The following FANCL variants were observed in gnomAD, a reference collection of about 807,000 sequenced individuals.
The protein encoded by FANCL is E3 ubiquitin-protein ligase FANCL.
A neutral mutation model predicts 59.4 loss-of-function variants in FANCL; 69 were observed. That is an observed-to-expected ratio of 1.16 (90% CI 0.96 to 1.42). FANCL has a LOEUF of 1.42. FANCL is among the 40% of genes most tolerant of loss of function. FANCL has a pLI of 0.00. For missense variants in FANCL, 519 were observed against 447.2 expected, an observed-to-expected ratio of 1.16 and a Z score of -1.45; for synonymous variants, 180 against 147.1, an observed-to-expected ratio of 1.22 and a Z score of -1.62.
At chr2:58,235,487 G>A (rs1487049658) in intron 1 of FANCL, among the ~76,000 whole-genome samples, 2 of 152,068 alleles carry the variant, frequency 1.3e-5, no homozygotes, top group Non-Finnish European at 2.9e-5. Flanking sequence ...AAAGCTTAAA[G>A]CTTAAAATTA....
chr2:58,165,394 G>C (rs946340400), intron 8 of FANCL, among the ~76,000 whole-genome samples: 2 of 152,106 alleles, frequency 1.3e-5, no homozygotes, highest in African/African-American at 4.8e-5. Context: ...AATGAAGACT[G>C]CATTATTCTG....
At chr2:58,240,795 C>T (rs1225449931) in intron 1 of FANCL, among the ~76,000 whole-genome samples, 1 of 152,162 alleles carries the variant, frequency 6.6e-6, no homozygotes, top group African/African-American at 2.4e-5. Flanking sequence ...AATGTTCTTT[C>T]TACAGGAAAC....
Position 58,161,532 on chromosome 2 carries a change from C to G in FANCL, c.1010G>C (p.Cys337Ser). 1.3e-6 allele frequency: 2 copies of G among 1,595,090 alleles called. No individual in the cohort carries two copies. Among genetic ancestry groups the G allele is most frequent in the Non-Finnish European group, 8.6e-7 (1 of 1,163,212 alleles). The change falls in exon 12 of 14, where the codon TGC (cysteine) becomes TCC (serine). Residue 337 changes from cysteine (C) to serine (S), a missense_variant. Coordinates refer to ENST00000233741, the MANE Select transcript of FANCL (RefSeq NM_018062.4). ...ATTTTTATTTTTTACCTCATATAAG[C>G]ATATTTGATGGAAAGGTTGTCCACA... ...SQCGQPFHQI[C>S]LYEWLRGLLT...
At chr2:58,194,950 C>G (rs540913021) in intron 7 of FANCL, among the ~76,000 whole-genome samples, 1 of 151,194 alleles carries the variant, frequency 6.6e-6, no homozygotes, top group African/African-American at 2.4e-5. Flanking sequence ...AAATAAAGAT[C>G]TTCCAAGTTT....
intron 6 of FANCL, among the ~76,000 whole-genome samples, chr2:58,203,039 A>AG (rs1357653206): frequency 6.6e-6 from 1 of 151,634 alleles, no homozygotes; most frequent in East Asian, 1.9e-4. Context: ...AAAAAAAAAA[A>AG]AAGCACACTT....
At chr2:58,187,618 C>T (rs1688535055) in intron 7 of FANCL, among the ~76,000 whole-genome samples, 1 of 151,604 alleles carries the variant, frequency 6.6e-6, no homozygotes, top group South Asian at 2.1e-4. Flanking sequence ...CAAGAATTAC[C>T]TGATTTCTAG....
intron 5 of FANCL, among the ~76,000 whole-genome samples, chr2:58,212,317 AT>A (rs1432886566): frequency 6.6e-6 from 1 of 152,200 alleles, no homozygotes; most frequent in East Asian, 1.9e-4. Context: ...TGAGAACAGT[AT>A]GGGGGAAACT....
intron 7 of FANCL, among the ~76,000 whole-genome samples, chr2:58,188,440 G>GT (rs1266460746): frequency 6.6e-6 from 1 of 151,246 alleles, no homozygotes; most frequent in African/African-American, 2.4e-5. Flanking sequence ...GGGTTTTTTT[G>GT]TTTTTTGGTT....
chr2:58,195,417 T>C (rs1689330845), intron 7 of FANCL, among the ~76,000 whole-genome samples: 1 of 152,110 alleles, frequency 6.6e-6, no homozygotes, highest in Non-Finnish European at 1.5e-5. Flanking sequence ...AGAAGACACA[T>C]TCAAATTGTA....
At chr2:58,184,607 T>A (rs2104987913) in intron 7 of FANCL, among the ~76,000 whole-genome samples, 1 of 152,072 alleles carries the variant, frequency 6.6e-6, no homozygotes, top group Non-Finnish European at 1.5e-5. Context: ...AATAAAAATA[T>A]AAGAGAAAAA....
intron 1 of FANCL, among the ~76,000 whole-genome samples, chr2:58,235,809 T>G (rs540018963): frequency 1.3e-5 from 2 of 152,076 alleles, no homozygotes; most frequent in South Asian, 4.2e-4. Flanking sequence ...AGGAAAGATG[T>G]AAATAAAGAC....
In FANCL at chr2:58,162,923, T is replaced by A. The variant is rs535158133; in HGVS notation, c.846A>T (p.Gln282His). 5.5e-5 allele frequency: 88 copies of A among 1,613,072 alleles called. 1 individual carries two copies. The South Asian group carries it at 9.2e-4, about 17-fold the overall frequency. ...CAATTTCTAAAACATCTTTCAAATT[T>A]TGTAACACACTATTTTCTGGATCCC... ...HLWDPENSVL[Q>H]NLKDVLEIDF... The change falls in exon 11 of 14, where the codon CAA (glutamine) becomes CAT (histidine). Residue 282 changes from glutamine to histidine, a missense_variant. Transcript: ENST00000233741.
intron 5 of FANCL, chr2:58,213,727 A>AAT (rs1234071109): frequency 7.5e-6 from 1 of 134,186 alleles, no homozygotes; most frequent in Non-Finnish European, 1.5e-5. Flanking sequence ...AAAAAAAAAA[A>AAT]AAAAGAGAGG....
At chr2:58,239,260 G>A (rs934944678) in intron 1 of FANCL, among the ~76,000 whole-genome samples, 1 of 152,128 alleles carries the variant, frequency 6.6e-6, no homozygotes, top group Admixed American at 6.5e-5. Flanking sequence ...CCTTAACCAG[G>A]TGATCAAAGT....
At chr2:58,217,215 TACACACACACAC>T (rs368257506) in intron 5 of FANCL, among the ~76,000 whole-genome samples, 1,229 of 20,548 alleles carry the variant, frequency 0.06, 55 homozygotes, top group African/African-American at 0.12. Flanking sequence ...TATATATATA[TACACACACACAC>T]ACACACACAC....
chr2:58,181,011 C>G (rs1687887806), intron 7 of FANCL, among the ~76,000 whole-genome samples: 1 of 152,030 alleles, frequency 6.6e-6, no homozygotes, highest in African/African-American at 2.4e-5. Context: ...TTGACAATTT[C>G]TTTAAGAACT....
At chr2:58,186,766 CG>C (rs2105006483) in intron 7 of FANCL, among the ~76,000 whole-genome samples, 2 of 152,198 alleles carry the variant, frequency 1.3e-5, no homozygotes, top group African/African-American at 4.8e-5. Context: ...AGTAAAGTGG[CG>C]GAACCGCAGT....
At chr2:58,200,096 A>T (rs1301592352) in intron 6 of FANCL, among the ~76,000 whole-genome samples, 1 of 151,458 alleles carries the variant, frequency 6.6e-6, no homozygotes, top group East Asian at 1.9e-4. Flanking sequence ...CCAGTGGTCT[A>T]CTTCTGGAAA....
chr2:58,205,324 TATC>T (rs1160465621), intron 5 of FANCL, among the ~76,000 whole-genome samples: 1 of 151,932 alleles, frequency 6.6e-6, no homozygotes, highest in Non-Finnish European at 1.5e-5. Flanking sequence ...ATGGAAATTT[TATC>T]ATAATCTGTA....
Sources: allele counts gnomAD v4.1 joint callset (sites outside exome capture counted in the v4.1 genomes callset), GRCh38; gene constraint gnomAD v4.1.1; transcripts MANE v1.5; gene names NCBI Gene and HGNC (gene_info 2026-07-23, HGNC 2026-07-21).